The following SCAI variants were observed in gnomAD, a reference collection of about 807,000 sequenced individuals.
SCAI encodes protein SCAI.
SCAI carries 24 observed loss-of-function variants against 92.2 expected under a neutral mutation model. The observed-to-expected ratio is 0.26, with a 90% CI of 0.19 to 0.37. The LOEUF (loss-of-function observed/expected upper bound fraction) is 0.37, where lower values mean the gene tolerates loss of function less well. SCAI is among the 10% of genes least tolerant of loss of function. The pLI, the probability that SCAI is intolerant of heterozygous loss-of-function variation, is 1.00. For missense variants in SCAI, 450 were observed against 736.2 expected, an observed-to-expected ratio of 0.61 and a Z score of 4.50; for synonymous variants, 261 against 258.6, an observed-to-expected ratio of 1.01 and a Z score of -0.09.
intron 2 of SCAI, among the ~76,000 whole-genome samples, chr9:125,129,673 A>C (rs979973733): frequency 4.6e-5 from 7 of 151,760 alleles, no homozygotes; most frequent in Admixed American, 1.3e-4. Flanking sequence ...CATGTTGGCC[A>C]GGCTGGTCTT....
chr9:124,984,461 AG>A (rs1831947284), intron 14 of SCAI, among the ~76,000 whole-genome samples: 1 of 152,214 alleles, frequency 6.6e-6, no homozygotes, highest in African/African-American at 2.4e-5. Flanking sequence ...GCAGTAATTC[AG>A]GTGAATGATG....
chr9:125,067,887 C>T (rs1340279627), intron 2 of SCAI, among the ~76,000 whole-genome samples: 2 of 152,118 alleles, frequency 1.3e-5, no homozygotes, highest in Non-Finnish European at 2.9e-5. Flanking sequence ...GAAAATTTGG[C>T]AAATTATTGA....
intron 6 of SCAI, among the ~76,000 whole-genome samples, chr9:125,022,667 C>T (rs1261292133): frequency 6.6e-6 from 1 of 152,152 alleles, no homozygotes; most frequent in East Asian, 1.9e-4. Context: ...ATCTTCCCAT[C>T]TTAGCCACCC....
intron 2 of SCAI, among the ~76,000 whole-genome samples, chr9:125,111,062 C>T (rs1464682307): frequency 6.6e-6 from 1 of 152,068 alleles, no homozygotes; most frequent in Non-Finnish European, 1.5e-5. Flanking sequence ...ATCTTGATGT[C>T]CAAACCTGAA....
chr9:125,136,736 G>A (rs1488440907), intron 2 of SCAI, among the ~76,000 whole-genome samples: 1 of 151,268 alleles, frequency 6.6e-6, no homozygotes, highest in East Asian at 1.9e-4. Context: ...TGGGATTACA[G>A]GTGTGAGCCA....
chr9:125,019,797 G>A (rs1425202328), intron 7 of SCAI, among the ~76,000 whole-genome samples: 1 of 152,104 alleles, frequency 6.6e-6, no homozygotes, highest in Non-Finnish European at 1.5e-5. Context: ...TGTTGAGCTG[G>A]GCACGGTGGC....
chr9:124,976,946 G>A (rs1245078823), intron 14 of SCAI, among the ~76,000 whole-genome samples: 1 of 151,196 alleles, frequency 6.6e-6, no homozygotes, highest in Non-Finnish European at 1.5e-5. Flanking sequence ...TCGGTTCACT[G>A]AAACCTCCGT....
chr9:125,076,316 T>C (rs945390374), intron 2 of SCAI, among the ~76,000 whole-genome samples: 5 of 150,664 alleles, frequency 3.3e-5, no homozygotes, highest in African/African-American at 9.8e-5. Flanking sequence ...TTGGTCAACA[T>C]GGTGAGACCC....
At chr9:125,053,698 T>A (rs967053388) in intron 3 of SCAI, among the ~76,000 whole-genome samples, 3 of 152,170 alleles carry the variant, frequency 2.0e-5, no homozygotes, top group Non-Finnish European at 2.9e-5. Flanking sequence ...GGAACCGGAT[T>A]TCTTTTGGGG....
chr9:124,982,089 G>C (rs778913927), intron 14 of SCAI, among the ~76,000 whole-genome samples: 7 of 152,004 alleles, frequency 4.6e-5, no homozygotes, highest in African/African-American at 1.7e-4. Context: ...TTTCTTTCAT[G>C]TGTGCTAATT....
intron 2 of SCAI, among the ~76,000 whole-genome samples, chr9:125,078,067 G>C (rs1834132026): frequency 6.6e-6 from 1 of 151,282 alleles, no homozygotes; most frequent in African/African-American, 2.4e-5. Flanking sequence ...TTCATTTTAA[G>C]AGTTCATTAC....
chr9:125,117,173 A>T (rs750944372), intron 2 of SCAI, among the ~76,000 whole-genome samples: 35 of 152,182 alleles, frequency 2.3e-4, no homozygotes, highest in Non-Finnish European at 4.6e-4. Flanking sequence ...AAGTAACATC[A>T]CTTACATTTC....
intron 2 of SCAI, 129 bp downstream of exon 2, chr9:125,142,504 G>A: frequency 1.4e-6 from 1 of 692,764 alleles, no homozygotes; most frequent in Non-Finnish European, 2.5e-6. Context: ...CATGCATGTG[G>A]TTATATTCTT....
intron 3 of SCAI, among the ~76,000 whole-genome samples, chr9:125,033,815 TTTATC>T (rs1489343075): frequency 1.3e-5 from 2 of 152,160 alleles, no homozygotes; most frequent in Non-Finnish European, 2.9e-5. Flanking sequence ...AGCATATAAT[TTTATC>T]TTCTCTTTCG....
In SCAI at chr9:124,949,000, GA is replaced by G. The variant is rs1259007051; in HGVS notation, c.*3806del. ...AGCCCATTGGGCAACTGTCCTTTTA[GA>G]TAATTCTTCTCCCTTGATTAAAGAA... On this transcript the variant is annotated 3_prime_UTR_variant, in exon 18 of 18. Coordinates refer to ENST00000336505, the MANE Select transcript of SCAI (RefSeq NM_001144877.3). The G allele has an allele frequency of 6.6e-6, 1 of 152,244 alleles. No individual in the cohort carries two copies. The highest frequency in any genetic ancestry group is 1.5e-5 in the Non-Finnish European group (1 of 68,062). The allele number at this position is 152,244 out of a possible 1,614,324, so 9.4% of individuals were successfully genotyped here. A position where few individuals can be genotyped will look rare whatever the true frequency, so the allele number is the denominator to read the frequency against.
At chr9:125,105,893 TG>T (rs1418436059) in intron 2 of SCAI, among the ~76,000 whole-genome samples, 1 of 151,144 alleles carries the variant, frequency 6.6e-6, no homozygotes, top group Non-Finnish European at 1.5e-5. Context: ...GGTCAAGAGA[TG>T]GACACCAGCC....
At chr9:124,986,884 AG>A (rs1832004289) in intron 14 of SCAI, among the ~76,000 whole-genome samples, 1 of 152,214 alleles carries the variant, frequency 6.6e-6, no homozygotes, top group Non-Finnish European at 1.5e-5. Flanking sequence ...CTTTAGGATG[AG>A]GCTGTTTAGA....
At chr9:124,972,891 C>T (rs987683771) in intron 15 of SCAI, among the ~76,000 whole-genome samples, 5 of 152,180 alleles carry the variant, frequency 3.3e-5, no homozygotes, top group African/African-American at 9.7e-5. Context: ...TTCATCCATG[C>T]CCCTCCCAAG....
At chr9:125,048,447 T>C (rs1443502304) in intron 3 of SCAI, among the ~76,000 whole-genome samples, 1 of 152,142 alleles carries the variant, frequency 6.6e-6, no homozygotes, top group East Asian at 1.9e-4. Context: ...AATAACATGG[T>C]TATTTATTTC....
Sources: gnomAD v4.1 joint callset for allele counts (sites outside exome capture counted in the v4.1 genomes callset) on GRCh38, gnomAD v4.1.1 for gene constraint, MANE v1.5 for transcripts, NCBI Gene and HGNC (gene_info 2026-07-23, HGNC 2026-07-21) for gene names.